Variants in CAMK2D observed in about 807,000 individuals in gnomAD.
CAMK2D encodes the protein calcium/calmodulin-dependent protein kinase type II subunit delta.
CAMK2D carries 37 observed loss-of-function variants against 84.0 expected under a neutral mutation model. The observed-to-expected ratio is 0.44, with a 90% CI of 0.34 to 0.58. The LOEUF is 0.58. Among genes scored for constraint, CAMK2D ranks in the 20% least tolerant of loss-of-function variants. The probability of loss-of-function intolerance (pLI) is 0.02; values close to 1 mark genes in which losing one functional copy is unlikely to be tolerated. For synonymous variants in CAMK2D, 202 were observed against 212.5 expected (o/e 0.95, Z 0.43); for missense variants, 448 against 652.5 (o/e 0.69, Z 3.41).
At chr4:113,474,053 A>G (rs1414729141) in intron 16 of CAMK2D, among the ~76,000 whole-genome samples, 2 of 152,254 alleles carry the variant, frequency 1.3e-5, no homozygotes. Flanking sequence ...ACATTTGCTT[A>G]TGTGAAAGAA....
chr4:113,733,623 T>A (rs762711534), intron 2 of CAMK2D, among the ~76,000 whole-genome samples: 1 of 152,206 alleles, frequency 6.6e-6, no homozygotes, highest in African/African-American at 2.4e-5. Flanking sequence ...TGCCTTTCTA[T>A]TGATGCTTTG....
chr4:113,719,821 G>T (rs541629206), intron 2 of CAMK2D, among the ~76,000 whole-genome samples: 26 of 152,220 alleles, frequency 1.7e-4, no homozygotes, highest in African/African-American at 6.0e-4. Context: ...TCAAAGCGCT[G>T]ATCTCTATGG....
intron 2 of CAMK2D, among the ~76,000 whole-genome samples, chr4:113,716,841 A>T (rs1391129464): frequency 6.6e-6 from 1 of 152,124 alleles, no homozygotes; most frequent in Non-Finnish European, 1.5e-5. Context: ...TCTAAAACTG[A>T]ATCCCTACAA....
At chr4:113,695,201 G>A (rs2099399110) in intron 2 of CAMK2D, among the ~76,000 whole-genome samples, 2 of 151,968 alleles carry the variant, frequency 1.3e-5, no homozygotes, top group Admixed American at 6.6e-5. Context: ...TTTGTGGGAT[G>A]GGAAGATAGG....
chr4:113,696,259 C>T (rs2099402578), intron 2 of CAMK2D, among the ~76,000 whole-genome samples: 2 of 151,144 alleles, frequency 1.3e-5, no homozygotes, highest in South Asian at 4.2e-4. Flanking sequence ...AGCCCCCTTC[C>T]CTTGCATCAT....
At chr4:113,709,459 G>C (rs981925819) in intron 2 of CAMK2D, among the ~76,000 whole-genome samples, 2 of 151,712 alleles carry the variant, frequency 1.3e-5, no homozygotes, top group Non-Finnish European at 2.9e-5. Flanking sequence ...GAAAAAATTA[G>C]TAGAAAAGGG....
chr4:113,608,192 A>G (rs902272048), intron 4 of CAMK2D, among the ~76,000 whole-genome samples: 3 of 152,240 alleles, frequency 2.0e-5, no homozygotes, highest in African/African-American at 7.2e-5. Flanking sequence ...CCCACATAAT[A>G]CTAAAAACAG....
At chr4:113,701,065 T>A (rs937423961) in intron 2 of CAMK2D, among the ~76,000 whole-genome samples, 3 of 152,228 alleles carry the variant, frequency 2.0e-5, no homozygotes, top group Non-Finnish European at 2.9e-5. Flanking sequence ...AATGGATATA[T>A]TTTTCTTTAA....
intron 3 of CAMK2D, among the ~76,000 whole-genome samples, chr4:113,656,417 G>A (rs991074006): frequency 1.3e-5 from 2 of 152,084 alleles, no homozygotes; most frequent in African/African-American, 4.8e-5. Flanking sequence ...GGGGTACTAG[G>A]CTGATAAGAC....
rs576886876 is a variant in CAMK2D at position 113,469,182 on chromosome 4, A to G, written c.1136-3578T>C. On this transcript the variant is annotated intron_variant, in intron 16 of 20. Transcript: ENST00000511664. ...AAAACAAAATAAAACCCAAGAACTG[A>G]GAGTAACTACATAATAAAACAACTT... Among the ~76,000 whole-genome samples the G allele has an allele frequency of 2.0e-4, 30 of 152,358 alleles. No individual in the cohort carries two copies. The South Asian group carries it at 2.9e-3, about 15-fold the overall frequency.
At chr4:113,492,122 T>G (rs1042052629) in intron 16 of CAMK2D, among the ~76,000 whole-genome samples, 2 of 152,106 alleles carry the variant, frequency 1.3e-5, no homozygotes, top group African/African-American at 4.8e-5. Flanking sequence ...TTTAAAGGGT[T>G]TTTTGTGTCT....
At chr4:113,623,500 T>G (rs900651022) in intron 3 of CAMK2D, among the ~76,000 whole-genome samples, 2 of 152,058 alleles carry the variant, frequency 1.3e-5, no homozygotes, top group Admixed American at 6.6e-5. Flanking sequence ...AACATCAAAG[T>G]GTACTTATAC....
intron 1 of CAMK2D, among the ~76,000 whole-genome samples, chr4:113,760,759 G>C (rs898918654): frequency 2.0e-5 from 3 of 152,194 alleles, no homozygotes; most frequent in Admixed American, 6.5e-5. Context: ...CAGGAGGGTG[G>C]GGGACCGGGA....
intron 4 of CAMK2D, among the ~76,000 whole-genome samples, chr4:113,558,656 T>A (rs555702755): frequency 6.6e-6 from 1 of 152,260 alleles, no homozygotes; most frequent in Admixed American, 6.5e-5. Context: ...TACATACATA[T>A]ACACACACAT....
chr4:113,551,108 T>C (rs2098625135), intron 5 of CAMK2D, among the ~76,000 whole-genome samples: 1 of 152,150 alleles, frequency 6.6e-6, no homozygotes, highest in African/African-American at 2.4e-5. Flanking sequence ...TTTACATTGC[T>C]AATAATGAGC....
At chr4:113,614,954 G>A (rs1160220307) in intron 3 of CAMK2D, among the ~76,000 whole-genome samples, 2 of 152,156 alleles carry the variant, frequency 1.3e-5, no homozygotes, top group Non-Finnish European at 2.9e-5. Flanking sequence ...TACTAATAGA[G>A]TAATTCATAC....
chr4:113,602,597 A>G (rs977507540), intron 4 of CAMK2D, among the ~76,000 whole-genome samples: 1 of 152,196 alleles, frequency 6.6e-6, no homozygotes, highest in African/African-American at 2.4e-5. Flanking sequence ...GCCATTAATT[A>G]TCCTCATCTA....
chr4:113,653,539 GA>G (rs1258426784), intron 3 of CAMK2D, among the ~76,000 whole-genome samples: 1 of 151,922 alleles, frequency 6.6e-6, no homozygotes, highest in African/African-American at 2.4e-5. Context: ...AGAGGTCACA[GA>G]AAAAAACTGC....
chr4:113,716,969 ATTATT>A (rs2099515640), intron 2 of CAMK2D, among the ~76,000 whole-genome samples: 1 of 152,212 alleles, frequency 6.6e-6, no homozygotes, highest in East Asian at 1.9e-4. Flanking sequence ...TTGTGTTCCA[ATTATT>A]TTCATTTAAT....
Sources: gnomAD v4.1 joint callset for allele counts (sites outside exome capture counted in the v4.1 genomes callset) on GRCh38, gnomAD v4.1.1 for gene constraint, MANE v1.5 for transcripts, NCBI Gene and HGNC (gene_info 2026-07-23, HGNC 2026-07-21) for gene names.